The following TENM3 variants were observed in gnomAD, a reference collection of about 807,000 sequenced individuals.
The protein encoded by TENM3 is teneurin-3.
TENM3 carries 63 observed loss-of-function variants against 255.1 expected under a neutral mutation model. That is an observed-to-expected ratio of 0.25 (90% CI 0.20 to 0.30). The LOEUF (loss-of-function observed/expected upper bound fraction) is 0.30. TENM3 is among the 10% of genes least tolerant of loss of function. TENM3 has a pLI of 1.00. For synonymous variants in TENM3, 1,306 were observed against 1,322.3 expected (o/e 0.99, Z 0.27); for missense variants, 2,929 against 3,461.1 (o/e 0.85, Z 3.86).
Position 182,738,350 on chromosome 4 carries a change from G to A in TENM3, c.3236-51G>A, listed in dbSNP as rs1169133881. 18 of 1,496,846 alleles carry A rather than the reference G, an allele frequency of 1.2e-5. No homozygotes were observed. In the South Asian group the frequency reaches 2.2e-4, roughly 18 times the overall value. The allele number at this position is 1,496,846 out of a possible 1,614,324, so 92.7% of individuals were successfully genotyped here. A position where few individuals can be genotyped will look rare whatever the true frequency, so the allele number is the denominator to read the frequency against. On this transcript the variant is annotated intron_variant, in intron 17 of 27. Transcript: ENST00000511685. ...TTTTTTCCAAGTAAGAAAATAAATTGCATTTCCCCCAGTCGTTGGAAAGAT... is the reference window on the plus strand; with the variant it reads ...TTTTTTCCAAGTAAGAAAATAAATTACATTTCCCCCAGTCGTTGGAAAGAT...
chr4:182,322,597 A>C (rs1763120861), intron 1 of TENM3, among the ~76,000 whole-genome samples: 1 of 152,228 alleles, frequency 6.6e-6, no homozygotes, highest in African/African-American at 2.4e-5. Context: ...AGCTGAGTTG[A>C]CATGGGAGAG....
intron 19 of TENM3, chr4:182,744,093 C>CT (rs957977132): frequency 0.24 from 108,817 of 445,582 alleles, 4,653 homozygotes; most frequent in East Asian, 0.49. Context: ...ACTGTGCTTT[C>CT]TTTTTTTTTT....
chr4:182,401,786 A>T (rs933561233), intron 3 of TENM3, among the ~76,000 whole-genome samples: 1 of 152,202 alleles, frequency 6.6e-6, no homozygotes, highest in Admixed American at 6.5e-5. Flanking sequence ...TGAGGTAAAA[A>T]TTTTAAAGAC....
At chr4:182,394,083 G>A (rs542954203) in intron 3 of TENM3, among the ~76,000 whole-genome samples, 6 of 152,030 alleles carry the variant, frequency 3.9e-5, no homozygotes, top group South Asian at 4.1e-4. Flanking sequence ...AAACATCACC[G>A]TTGGGCTATT....
chr4:182,598,156 G>A (rs1249264141), intron 3 of TENM3, among the ~76,000 whole-genome samples: 2 of 152,152 alleles, frequency 1.3e-5, no homozygotes, highest in African/African-American at 4.8e-5. Context: ...ACCCCAGCCT[G>A]GGCAACAGAG....
intron 1 of TENM3, among the ~76,000 whole-genome samples, chr4:182,160,770 G>A (rs1180967891): frequency 6.6e-6 from 1 of 152,108 alleles, no homozygotes; most frequent in Middle Eastern, 3.2e-3. Context: ...GCACAGCAAG[G>A]TGACTGTAAT....
intron 3 of TENM3, among the ~76,000 whole-genome samples, chr4:182,383,788 T>G (rs2150936389): frequency 6.6e-6 from 1 of 152,252 alleles, no homozygotes; most frequent in Admixed American, 6.5e-5. Context: ...AGCAGCATGG[T>G]ACTGTTACAA....
intron 3 of TENM3, among the ~76,000 whole-genome samples, chr4:182,360,665 C>G (rs1765901404): frequency 6.6e-6 from 1 of 152,096 alleles, no homozygotes; most frequent in South Asian, 2.1e-4. Flanking sequence ...TGGGTCTTGA[C>G]TCTTTATCCA....
At chr4:182,180,895 A>G (rs1164487566) in intron 1 of TENM3, among the ~76,000 whole-genome samples, 1 of 151,892 alleles carries the variant, frequency 6.6e-6, no homozygotes, top group Admixed American at 6.6e-5. Context: ...AATCACATCA[A>G]TTTATTAATT....
the TENM3 span, among the ~76,000 whole-genome samples, chr4:182,101,549 C>A: frequency 1.3e-5 from 2 of 151,976 alleles, no homozygotes; most frequent in Non-Finnish European, 1.5e-5. Flanking sequence ...TTTACTTATA[C>A]GTGGAATCTT....
At chr4:181,758,720 T>C in the TENM3 span, among the ~76,000 whole-genome samples, 1 of 152,232 alleles carries the variant, frequency 6.6e-6, no homozygotes, top group Non-Finnish European at 1.5e-5. Context: ...TTTCATCTGA[T>C]GTCATTGGAC....
chr4:182,792,659 T>C lies in TENM3; in HGVS notation c.5987T>C (p.Ile1996Thr). Residue 1996 changes from isoleucine (I) to threonine (T), a missense_variant, in exon 26 of 28, where the codon ATT (isoleucine) becomes ACT (threonine). Around this residue, in one of 6 missense-constraint regions of TENM3, gnomAD observed 303 missense variants for 425.2 expected, o/e 0.71. Transcript: ENST00000511685. This position sits in a 1 kb window ranked among gnomAD's most constrained non-coding sequence, Gnocchi z 6.3. Reference sequence around the variant, plus strand: ...ATTTGCACCATTAGATACAGGCAAATTGGTCCCCTGATTGACAGGCAGATT... The same window carrying C: ...ATTTGCACCATTAGATACAGGCAAACTGGTCCCCTGATTGACAGGCAGATT... ...GFICTIRYRQ[I>T]GPLIDRQIFR... 1.2e-6 allele frequency: 2 copies of C among 1,613,956 alleles called. No homozygotes were observed. The highest frequency in any genetic ancestry group is 2.2e-5 in the East Asian group (1 of 44,880).
At chr4:182,316,332 T>C (rs1762747072) in intron 1 of TENM3, among the ~76,000 whole-genome samples, 1 of 152,180 alleles carries the variant, frequency 6.6e-6, no homozygotes, top group Non-Finnish European at 1.5e-5. Context: ...AAGAACTTTC[T>C]GAGTACATCG....
chr4:182,567,682 T>C (rs1052280776), intron 3 of TENM3, among the ~76,000 whole-genome samples: 1 of 152,096 alleles, frequency 6.6e-6, no homozygotes, highest in Non-Finnish European at 1.5e-5. Flanking sequence ...TGCTCAATGT[T>C]CCTGCTTAAA....
the TENM3 span, among the ~76,000 whole-genome samples, chr4:181,839,373 ATATATATATATACAC>A: frequency 2.0e-5 from 1 of 49,044 alleles, no homozygotes; most frequent in Non-Finnish European, 5.1e-5. Flanking sequence ...ATATATATAT[ATATATATATATACAC>A]CTATATACAT....
intron 3 of TENM3, among the ~76,000 whole-genome samples, chr4:182,456,879 A>G (rs1773918952): frequency 6.6e-6 from 1 of 152,092 alleles, no homozygotes; most frequent in Non-Finnish European, 1.5e-5. Context: ...ATCTTCATCT[A>G]CCTTAAGAAC....
intron 1 of TENM3, among the ~76,000 whole-genome samples, chr4:182,236,928 C>T (rs1392916947): frequency 4.6e-5 from 7 of 152,148 alleles, no homozygotes; most frequent in Non-Finnish European, 1.0e-4. Flanking sequence ...GTTTGCTGCA[C>T]CTATCAAGCC....
chr4:181,800,876 C>T, the TENM3 span, among the ~76,000 whole-genome samples: 12 of 152,024 alleles, frequency 7.9e-5, no homozygotes, highest in Non-Finnish European at 1.6e-4. Context: ...AATAAAATGC[C>T]GGTGTATTTC....
intron 1 of TENM3, among the ~76,000 whole-genome samples, chr4:182,309,016 G>C (rs1049369106): frequency 4.6e-5 from 7 of 152,130 alleles, no homozygotes; most frequent in African/African-American, 1.4e-4. Flanking sequence ...GTCCAGAACC[G>C]ACCTAGCCCC....
Sources: allele counts gnomAD v4.1 joint callset (sites outside exome capture counted in the v4.1 genomes callset), GRCh38; gene constraint gnomAD v4.1.1; regional missense constraint gnomAD v4.1.1; non-coding constraint Gnocchi (gnomAD v3.1); transcripts MANE v1.5; gene names NCBI Gene and HGNC (gene_info 2026-07-23, HGNC 2026-07-21).